LRRTM4: variants seen among roughly 807,000 people sequenced by gnomAD.
LRRTM4 encodes the protein leucine-rich repeat transmembrane neuronal protein 4.
Under a neutral mutation model 47.6 loss-of-function variants are expected in LRRTM4, and 25 were observed. The observed-to-expected ratio is 0.53, with a 90% CI of 0.38 to 0.73. LRRTM4 has a LOEUF of 0.73. Ranked by LOEUF, LRRTM4 falls within the 30% of genes least tolerant of loss-of-function variation. LRRTM4 has a pLI of 0.00. For missense variants in LRRTM4, 638 were observed against 713.4 expected, an observed-to-expected ratio of 0.89 and a Z score of 1.20; for synonymous variants, 311 against 269.5, an observed-to-expected ratio of 1.15 and a Z score of -1.51.
chr2:77,084,007 A>G (rs1572940738), intron 3 of LRRTM4, among the ~76,000 whole-genome samples: 1 of 151,544 alleles, frequency 6.6e-6, no homozygotes, highest in African/African-American at 2.4e-5. Flanking sequence ...GGGTTTCACC[A>G]TGTTAGCAAG....
intron 3 of LRRTM4, among the ~76,000 whole-genome samples, chr2:77,344,576 C>T (rs1257013576): frequency 6.6e-6 from 1 of 151,574 alleles, no homozygotes; most frequent in East Asian, 1.9e-4. Context: ...AAAAGTTTAA[C>T]ATTTGTGTTA....
intron 3 of LRRTM4, among the ~76,000 whole-genome samples, chr2:77,434,227 T>A (rs535415537): frequency 1.4e-5 from 2 of 147,864 alleles, no homozygotes; most frequent in East Asian, 4.0e-4. Context: ...GACTTTTTTT[T>A]ATCAGATCCC....
At chr2:77,131,569 A>G (rs1671804288) in intron 3 of LRRTM4, among the ~76,000 whole-genome samples, 1 of 152,212 alleles carries the variant, frequency 6.6e-6, no homozygotes, top group South Asian at 2.1e-4. Flanking sequence ...TTACAAGAGT[A>G]ATATATTGCA....
chr2:77,173,417 C>T (rs1242792021), intron 3 of LRRTM4, among the ~76,000 whole-genome samples: 2 of 152,090 alleles, frequency 1.3e-5, no homozygotes, highest in Non-Finnish European at 2.9e-5. Context: ...TCATTTCTAA[C>T]ATCTTCTGTA....
At chr2:77,394,587 G>C (rs1673626975) in intron 3 of LRRTM4, among the ~76,000 whole-genome samples, 1 of 151,826 alleles carries the variant, frequency 6.6e-6, no homozygotes. Flanking sequence ...GGTGAAACAG[G>C]GATTTATACC....
At chr2:77,054,098 T>C (rs1341417344) in intron 3 of LRRTM4, among the ~76,000 whole-genome samples, 1 of 152,068 alleles carries the variant, frequency 6.6e-6, no homozygotes, top group African/African-American at 2.4e-5. Context: ...GTCTCAGATT[T>C]TTCGTCCAAA....
intron 3 of LRRTM4, among the ~76,000 whole-genome samples, chr2:77,348,944 A>G (rs1353094220): frequency 2.6e-5 from 4 of 151,884 alleles, no homozygotes; most frequent in Non-Finnish European, 4.4e-5. Context: ...TATAATAAAA[A>G]CTCTAAAGAA....
At chr2:76,863,853 G>A (rs1672390712) in intron 3 of LRRTM4, among the ~76,000 whole-genome samples, 2 of 152,058 alleles carry the variant, frequency 1.3e-5, no homozygotes, top group South Asian at 4.1e-4. Context: ...TTAACACTCA[G>A]GGACCTGAAA....
chr2:77,488,881 C>T (rs945171597), intron 3 of LRRTM4, among the ~76,000 whole-genome samples: 3 of 151,788 alleles, frequency 2.0e-5, no homozygotes, highest in African/African-American at 7.3e-5. Context: ...TATAAAATGT[C>T]ATAAACCACC....
intron 3 of LRRTM4, among the ~76,000 whole-genome samples, chr2:76,920,729 G>A (rs1486992166): frequency 6.6e-6 from 1 of 152,042 alleles, no homozygotes; most frequent in Admixed American, 6.6e-5. Flanking sequence ...AAAGCTCCCA[G>A]AACAACTTAT....
At chr2:77,364,318 A>T (rs138190844) in intron 3 of LRRTM4, among the ~76,000 whole-genome samples, 1 of 152,238 alleles carries the variant, frequency 6.6e-6, no homozygotes, top group African/African-American at 2.4e-5. Flanking sequence ...TAAATGCTGT[A>T]TATAAGGGCT....
chr2:77,381,145 A>T (rs1673035685), intron 3 of LRRTM4, among the ~76,000 whole-genome samples: 1 of 152,016 alleles, frequency 6.6e-6, no homozygotes, highest in Admixed American at 6.6e-5. Flanking sequence ...CTTTTCTGTA[A>T]ATTCTGGCTT....
Position 77,519,304 on chromosome 2 carries a change from C to T in LRRTM4, c.565G>A (p.Gly189Ser). Residue 189 changes from glycine (G) to serine (S), a missense_variant, in exon 3 of 4, where the codon GGT (glycine) becomes AGT (serine). Transcript: ENST00000409884. The surrounding 1 kb of genome is among the most constrained non-coding windows in gnomAD (Gnocchi z 4.6). ...GACAAGCTTCGAAGACGATTGTAAC[C>T]CAAATCCAAAAAATCAAGATTCCGA... Reference protein sequence around the residue: ...DCRNLDFLDLGYNRLRSLSRN... With the variant: ...DCRNLDFLDLSYNRLRSLSRN... 6.2e-7 allele frequency: 1 copy of T among 1,613,252 alleles called. No homozygotes were observed. Among genetic ancestry groups the T allele is most frequent in the Non-Finnish European group, 8.5e-7 (1 of 1,179,522 alleles).
chr2:77,500,069 T>C (rs1354074719), intron 3 of LRRTM4, among the ~76,000 whole-genome samples: 3 of 151,766 alleles, frequency 2.0e-5, no homozygotes. Flanking sequence ...ACACTCTTAA[T>C]TGAGTATAGC....
At chr2:77,487,421 G>A (rs1486962110) in intron 3 of LRRTM4, among the ~76,000 whole-genome samples, 3 of 152,176 alleles carry the variant, frequency 2.0e-5, no homozygotes, top group East Asian at 3.9e-4. Context: ...GTGTGTGTAC[G>A]CTTGGTGTGG....
chr2:77,286,243 G>C (rs1270432791), intron 3 of LRRTM4, among the ~76,000 whole-genome samples: 5 of 151,976 alleles, frequency 3.3e-5, no homozygotes, highest in Non-Finnish European at 7.4e-5. Context: ...TTGGTTAAGA[G>C]TTTGTTCTTC....
intron 3 of LRRTM4, among the ~76,000 whole-genome samples, chr2:77,322,737 C>G (rs907559447): frequency 6.7e-6 from 1 of 150,184 alleles, no homozygotes; most frequent in Non-Finnish European, 1.5e-5. Flanking sequence ...ATCTACAGTT[C>G]ACACACAACT....
At chr2:76,885,232 TAA>T (rs1673036589) in intron 3 of LRRTM4, among the ~76,000 whole-genome samples, 2 of 152,036 alleles carry the variant, frequency 1.3e-5, no homozygotes, top group African/African-American at 2.4e-5. Flanking sequence ...TAAACACATT[TAA>T]AAACTATTTG....
chr2:77,318,617 T>C (rs1677690678), intron 3 of LRRTM4, among the ~76,000 whole-genome samples: 1 of 152,130 alleles, frequency 6.6e-6, no homozygotes, highest in Non-Finnish European at 1.5e-5. Context: ...AATAGGATAG[T>C]TTATCTAATT....
Sources: gnomAD v4.1 joint callset for allele counts (sites outside exome capture counted in the v4.1 genomes callset) on GRCh38, gnomAD v4.1.1 for gene constraint, Gnocchi (gnomAD v3.1) non-coding constraint, MANE v1.5 for transcripts, NCBI Gene and HGNC (gene_info 2026-07-23, HGNC 2026-07-21) for gene names.